SH3KBP1: variants seen among roughly 807,000 people sequenced by gnomAD.
The protein encoded by SH3KBP1 is SH3 domain-containing kinase-binding protein 1.
Under a neutral mutation model 50.1 loss-of-function variants are expected in SH3KBP1, and 8 were observed. The observed-to-expected ratio is 0.16, with a 90% CI of 0.09 to 0.29. SH3KBP1 has a LOEUF of 0.29. SH3KBP1 is among the 10% of genes least tolerant of loss of function. SH3KBP1 has a pLI of 1.00. For missense variants in SH3KBP1, 377 were observed against 535.2 expected (o/e 0.70, Z 2.92); for synonymous variants, 227 against 218.6 (o/e 1.04, Z -0.34).
chrX:19,875,968 T>C (rs1034412708), intron 1 of SH3KBP1, among the ~76,000 whole-genome samples: 2 of 112,261 alleles, frequency 1.8e-5, no homozygotes, highest in African/African-American at 6.5e-5. Context: ...TCCCTTTTGC[T>C]CAGGTTAGCG....
chrX:19,798,531 C>G (rs1397559310), intron 2 of SH3KBP1, among the ~76,000 whole-genome samples: 2 of 111,881 alleles, frequency 1.8e-5, no homozygotes, highest in Non-Finnish European at 3.8e-5. Flanking sequence ...AACTTGGGTC[C>G]TCAGTTCCCA....
At chrX:19,667,298 T>G (rs1241333016) in intron 6 of SH3KBP1, among the ~76,000 whole-genome samples, 1 of 111,743 alleles carries the variant, frequency 8.9e-6, no homozygotes, top group African/African-American at 3.3e-5. Context: ...AATATATGAA[T>G]GTACTTAATA....
chrX:19,759,555 G>A (rs112702001), intron 2 of SH3KBP1, among the ~76,000 whole-genome samples: 1,225 of 111,815 alleles, frequency 0.011, 13 homozygotes, highest in African/African-American at 0.038. Flanking sequence ...TTCCAAGCCC[G>A]TGACAAAACA....
intron 2 of SH3KBP1, among the ~76,000 whole-genome samples, chrX:19,796,141 G>A (rs1018859561): frequency 4.5e-5 from 5 of 111,897 alleles, no homozygotes; most frequent in East Asian, 2.8e-4. Flanking sequence ...GATGTGTACC[G>A]TAGACCAGGT....
intron 6 of SH3KBP1, among the ~76,000 whole-genome samples, chrX:19,681,039 T>C (rs1039633458): frequency 8.9e-6 from 1 of 112,019 alleles, no homozygotes; most frequent in Admixed American, 9.4e-5. Flanking sequence ...TTCAGATTTT[T>C]TTTTTTCTTT....
intron 7 of SH3KBP1, among the ~76,000 whole-genome samples, chrX:19,642,840 TA>T (rs1300224691): frequency 1.8e-5 from 2 of 111,430 alleles, no homozygotes; most frequent in African/African-American, 6.5e-5. Context: ...TAATGTTGTT[TA>T]ACTAAATCCT....
chrX:19,871,599 G>A (rs189622981), intron 1 of SH3KBP1, among the ~76,000 whole-genome samples: 3 of 111,758 alleles, frequency 2.7e-5, no homozygotes, highest in East Asian at 2.8e-4. Context: ...GACATTTGAC[G>A]TACACTTGGT....
intron 6 of SH3KBP1, among the ~76,000 whole-genome samples, chrX:19,675,253 T>C (rs943323338): frequency 9.0e-6 from 1 of 111,004 alleles, no homozygotes; most frequent in Non-Finnish European, 1.9e-5. Flanking sequence ...TGTTACTTAA[T>C]CCTCACAACA....
At chrX:19,772,397 A>C (rs1374977421) in intron 2 of SH3KBP1, among the ~76,000 whole-genome samples, 1 of 111,423 alleles carries the variant, frequency 9.0e-6, no homozygotes, top group Non-Finnish European at 1.9e-5. Flanking sequence ...CAAAGAGAGA[A>C]AGAAATGGAA....
intron 6 of SH3KBP1, among the ~76,000 whole-genome samples, chrX:19,681,901 T>C (rs1268550120): frequency 9.0e-6 from 1 of 110,865 alleles, no homozygotes; most frequent in Non-Finnish European, 1.9e-5. Context: ...CTCTTAAGAC[T>C]AAACTCCAGG....
chrX:19,552,641 C>G (rs1373931745), intron 13 of SH3KBP1, among the ~76,000 whole-genome samples: 1 of 110,383 alleles, frequency 9.1e-6, no homozygotes, highest in African/African-American at 3.3e-5. Flanking sequence ...GATGAAGTGA[C>G]TAAAGAACAA....
At chrX:19,604,771 T>C (rs1005217238) in intron 9 of SH3KBP1, among the ~76,000 whole-genome samples, 2 of 112,098 alleles carry the variant, frequency 1.8e-5, no homozygotes, top group African/African-American at 6.5e-5. Context: ...AATGTGAAGA[T>C]GGTTGGCTGG....
intron 2 of SH3KBP1, among the ~76,000 whole-genome samples, chrX:19,768,280 C>T (rs1180557171): frequency 2.8e-5 from 3 of 107,366 alleles, no homozygotes; most frequent in Non-Finnish European, 5.8e-5. Context: ...ATGGAAAGGG[C>T]GTGTGGGTGA....
intron 1 of SH3KBP1, among the ~76,000 whole-genome samples, chrX:19,852,630 T>G: frequency 1.2e-5 from 1 of 81,084 alleles, no homozygotes; most frequent in Non-Finnish European, 2.2e-5. Flanking sequence ...ATACTGTAGC[T>G]GCACAGAAAA....
At chrX:19,719,688 G>C (rs566821043) in intron 3 of SH3KBP1, among the ~76,000 whole-genome samples, 1 of 108,992 alleles carries the variant, frequency 9.2e-6, no homozygotes, top group African/African-American at 3.3e-5. Flanking sequence ...TGGATACGTG[G>C]TCTTCACTTA....
chrX:19,872,833 TCACACACACACACACACA>T (rs774471891), intron 1 of SH3KBP1, among the ~76,000 whole-genome samples: 1 of 96,498 alleles, frequency 1.0e-5, no homozygotes, highest in African/African-American at 3.9e-5. Flanking sequence ...TCTCTCTCTC[TCACACACACACACACACA>T]CACACACACA....
At chrX:19,539,871 C>G (rs969343610) in intron 16 of SH3KBP1, among the ~76,000 whole-genome samples, 28 of 111,910 alleles carry the variant, frequency 2.5e-4, no homozygotes, top group African/African-American at 9.1e-4. Flanking sequence ...GGTGTTGACT[C>G]AAGAGATGTT....
At chrX:19,772,961 T>C (rs999404483) in intron 2 of SH3KBP1, among the ~76,000 whole-genome samples, 4 of 111,729 alleles carry the variant, frequency 3.6e-5, no homozygotes, top group Non-Finnish European at 7.5e-5. Flanking sequence ...CCCAGGCCAG[T>C]GTGCTCCATC....
At chrX:19,553,006 C>T (rs1287226781) in intron 13 of SH3KBP1, among the ~76,000 whole-genome samples, 1 of 111,300 alleles carries the variant, frequency 9.0e-6, no homozygotes, top group Admixed American at 9.5e-5. Flanking sequence ...GGAGTGCTGG[C>T]CCGATTTGGA....
Sources: gnomAD v4.1 joint callset for allele counts (sites outside exome capture counted in the v4.1 genomes callset) on GRCh38, gnomAD v4.1.1 for gene constraint, MANE v1.5 for transcripts, NCBI Gene and HGNC (gene_info 2026-07-23, HGNC 2026-07-21) for gene names.